TTC39C: variants seen among roughly 807,000 people sequenced by gnomAD.
TTC39C encodes the protein tetratricopeptide repeat domain 39C, also known as tetratricopeptide repeat protein 39C.
A neutral mutation model predicts 76.3 loss-of-function variants in TTC39C; 33 were observed. That is an observed-to-expected ratio of 0.43 (90% CI 0.33 to 0.58). TTC39C has a LOEUF of 0.58. TTC39C is among the 20% of genes least tolerant of loss of function. TTC39C has a pLI of 0.04. For synonymous variants in TTC39C, 254 were observed against 260.6 expected, an observed-to-expected ratio of 0.97 and a Z score of 0.24; for missense variants, 595 against 701.4, an observed-to-expected ratio of 0.85 and a Z score of 1.71.
chr18:24,013,309 A>G (rs1161124229), upstream of TTC39C, among the ~76,000 whole-genome samples: 1 of 152,216 alleles, frequency 6.6e-6, no homozygotes, highest in African/African-American at 2.4e-5. Context: ...TGGCTTTGCA[A>G]CAGTTACACA....
In TTC39C at chr18:24,130,379, T is replaced by C. The variant is rs1479789785; in HGVS notation, c.1585T>C (p.Cys529Arg). 1.3e-6 allele frequency: 2 copies of C among 1,584,792 alleles called. No individual in the cohort carries two copies. Among genetic ancestry groups the C allele is most frequent in the Non-Finnish European group, 1.7e-6 (2 of 1,166,082 alleles). The change falls in exon 12 of 14, where the codon TGT becomes CGT. Residue 529 changes from cysteine (C) to arginine (R), a missense_variant. Transcript: ENST00000317571. ...TAACTTATATGTTCAGCCGTATGCCTGTTATGAACTTGGCTGTCTTCTATT... is the reference window on the plus strand; with the variant it reads ...TAACTTATATGTTCAGCCGTATGCCCGTTATGAACTTGGCTGTCTTCTATT... The part of the protein sequence containing the change: ...QNNLYVQPYA[C>R]YELGCLLLDK...
chr18:24,107,894 G>T (rs981074512), intron 6 of TTC39C, among the ~76,000 whole-genome samples: 1 of 145,380 alleles, frequency 6.9e-6, no homozygotes, highest in Non-Finnish European at 1.5e-5. Flanking sequence ...AAGTAGGGGG[G>T]GGGGTACAGG....
intron 6 of TTC39C, among the ~76,000 whole-genome samples, chr18:24,091,748 T>G (rs2084518844): frequency 6.6e-6 from 1 of 152,174 alleles, no homozygotes; most frequent in Non-Finnish European, 1.5e-5. Flanking sequence ...ATTCTGAATA[T>G]GTAAAGAACT....
At chr18:24,023,947 C>CTATAT (rs1568408676) in intron 1 of TTC39C, among the ~76,000 whole-genome samples, 1 of 64,034 alleles carries the variant, frequency 1.6e-5, no homozygotes, top group East Asian at 6.4e-4. Context: ...TATATATATG[C>CTATAT]ATGTATATAT....
Position 24,042,762 on chromosome 18 carries a change from T to C in TTC39C, c.168-21378T>C, listed in dbSNP as rs561461587. Among the ~76,000 whole-genome samples, 75 of 152,274 alleles carry C rather than the reference T, an allele frequency of 4.9e-4. 1 individual carries two copies. In the South Asian group the frequency reaches 0.015, roughly 31 times the overall value. ...GTGTATGATATGATACAATTTAAGATGTAAAAAGACTCCAGAAGAAGAAAT... is the reference window on the plus strand; with the variant it reads ...GTGTATGATATGATACAATTTAAGACGTAAAAAGACTCCAGAAGAAGAAAT... On this transcript the variant is annotated intron_variant, in intron 1 of 13. Transcript: ENST00000317571.
At chr18:24,005,855 A>AC (rs2083347767) in intron 1 of TTC39C, among the ~76,000 whole-genome samples, 1 of 151,814 alleles carries the variant, frequency 6.6e-6, no homozygotes, top group African/African-American at 2.4e-5. Context: ...AAAAAAAAAA[A>AC]AACAAAAAAC....
chr18:24,049,250 A>G (rs752122831), intron 1 of TTC39C, among the ~76,000 whole-genome samples: 1 of 152,234 alleles, frequency 6.6e-6, no homozygotes, highest in East Asian at 1.9e-4. Flanking sequence ...ATTTTTGTTT[A>G]TTTAGACCAA....
chr18:24,121,526 C>A (rs1431208781), intron 8 of TTC39C, among the ~76,000 whole-genome samples: 2 of 152,096 alleles, frequency 1.3e-5, no homozygotes, highest in African/African-American at 4.8e-5. Context: ...TTGCAGTGAG[C>A]CAAGATCGCG....
intron 6 of TTC39C, among the ~76,000 whole-genome samples, chr18:24,109,694 A>G (rs951207059): frequency 6.6e-6 from 1 of 152,216 alleles, no homozygotes; most frequent in Non-Finnish European, 1.5e-5. Context: ...ATGATTGATC[A>G]TGCATTCCCA....
At chr18:24,041,743 G>A (rs1003250059) in intron 1 of TTC39C, among the ~76,000 whole-genome samples, 68 of 152,250 alleles carry the variant, frequency 4.5e-4, no homozygotes, top group African/African-American at 1.6e-3. Flanking sequence ...ATATACAAAA[G>A]TGCAGCATAT....
upstream of TTC39C, chr18:24,014,625 G>A (rs1412012498): frequency 2.6e-6 from 1 of 390,516 alleles, no homozygotes; most frequent in African/African-American, 2.1e-5. Context: ...AGAGGAGCGG[G>A]CGGGTGCTGC....
chr18:24,072,320 T>G (rs2084250704), intron 4 of TTC39C, among the ~76,000 whole-genome samples: 2 of 151,806 alleles, frequency 1.3e-5, no homozygotes, highest in South Asian at 4.1e-4. Flanking sequence ...TAAAGACAGT[T>G]TCTCACTCTG....
intron 6 of TTC39C, among the ~76,000 whole-genome samples, chr18:24,109,850 CA>C (rs1354465175): frequency 2.0e-5 from 3 of 151,796 alleles, no homozygotes; most frequent in African/African-American, 2.4e-5. Flanking sequence ...AGTAAAAATC[CA>C]AAAAATTAGC....
At chr18:24,073,694 T>A (rs2084269251) in intron 4 of TTC39C, among the ~76,000 whole-genome samples, 1 of 152,114 alleles carries the variant, frequency 6.6e-6, no homozygotes, top group Non-Finnish European at 1.5e-5. Context: ...TTTTTAAAAA[T>A]TTTTTGTAGA....
chr18:24,034,422 C>T (rs2083709187), intron 1 of TTC39C, among the ~76,000 whole-genome samples: 1 of 152,160 alleles, frequency 6.6e-6, no homozygotes, highest in Admixed American at 6.5e-5. Flanking sequence ...TTTTTTATTT[C>T]CCTAATGTTT....
At chr18:24,058,097 G>A (rs1055364820) in intron 1 of TTC39C, among the ~76,000 whole-genome samples, 2 of 152,156 alleles carry the variant, frequency 1.3e-5, no homozygotes, top group Non-Finnish European at 2.9e-5. Flanking sequence ...ACTTATAAGT[G>A]GGAGCTAAAC....
intron 6 of TTC39C, among the ~76,000 whole-genome samples, chr18:24,093,093 A>C (rs527717355): frequency 6.6e-6 from 1 of 152,306 alleles, no homozygotes; most frequent in South Asian, 2.1e-4. Flanking sequence ...TAGCTATAAT[A>C]TTACTCTATG....
At chr18:24,110,788 G>A (rs374954905) in intron 6 of TTC39C, among the ~76,000 whole-genome samples, 8 of 152,320 alleles carry the variant, frequency 5.3e-5, no homozygotes, top group African/African-American at 7.2e-5. Flanking sequence ...AAAGGTTTGC[G>A]CTTTGTGTTC....
chr18:24,006,002 T>C (rs941460959), intron 1 of TTC39C, among the ~76,000 whole-genome samples: 1 of 138,664 alleles, frequency 7.2e-6, no homozygotes, highest in Non-Finnish European at 1.5e-5. Context: ...TAAGTGAGCT[T>C]ATCCTACAGA....
Sources: gnomAD v4.1 joint callset for allele counts (sites outside exome capture counted in the v4.1 genomes callset) on GRCh38, gnomAD v4.1.1 for gene constraint, MANE v1.5 for transcripts, NCBI Gene and HGNC (gene_info 2026-07-23, HGNC 2026-07-21) for gene names.